ACTR10: variants seen among roughly 807,000 people sequenced by gnomAD.
ACTR10 encodes actin-related protein 10.
Under a neutral mutation model 56.2 loss-of-function variants are expected in ACTR10, and 43 were observed. The ratio of observed to expected loss-of-function variants is 0.77; its 90% CI spans 0.60 to 0.99. ACTR10 has a LOEUF of 0.99. Among genes scored for constraint, ACTR10 ranks in the 50% least tolerant of loss-of-function variants. ACTR10 has a pLI of 0.00. For synonymous variants in ACTR10, 170 were observed against 176.3 expected, an observed-to-expected ratio of 0.96 and a Z score of 0.28; for missense variants, 466 against 507.8, an observed-to-expected ratio of 0.92 and a Z score of 0.79.
At position 58,234,463 on chromosome 14, in the gene ACTR10, C is replaced by T. The variant is rs1487125944; in HGVS notation, c.1166C>T (p.Ser389Phe). 1 of 1,613,364 alleles carries T rather than the reference C, an allele frequency of 6.2e-7. No individual in the cohort carries two copies. The highest frequency in any genetic ancestry group is 2.2e-5 in the East Asian group (1 of 44,824). The change falls in exon 13 of 13, where the codon TCT becomes TTT. Residue 389 changes from serine (S) to phenylalanine (F), a missense_variant. Coordinates refer to ENST00000254286, the MANE Select transcript of ACTR10 (RefSeq NM_018477.3). ...ACGGGCCGTATACCTGATTGGTGTT[C>T]TCTCAATAACCCACCTTTGGAAATG... ...NQTGRIPDWC[S>F]LNNPPLEMMF...
chr14:58,226,686 C>A (rs1049833917), intron 10 of ACTR10, among the ~76,000 whole-genome samples: 17 of 152,038 alleles, frequency 1.1e-4, no homozygotes, highest in African/African-American at 4.1e-4. Context: ...CCACAACCCC[C>A]ACCTCCCGGG....
intron 10 of ACTR10, among the ~76,000 whole-genome samples, chr14:58,229,643 A>C (rs1044945384): frequency 6.7e-6 from 1 of 149,122 alleles, no homozygotes; most frequent in Non-Finnish European, 1.5e-5. Flanking sequence ...ACGCCACTGC[A>C]CTCCAGCCGG....
intron 10 of ACTR10, among the ~76,000 whole-genome samples, chr14:58,229,427 C>T (rs1234219305): frequency 6.6e-6 from 1 of 152,120 alleles, no homozygotes; most frequent in African/African-American, 2.4e-5. Flanking sequence ...GCCTGTAATC[C>T]TAGCACTTTG....
In ACTR10 at chr14:58,233,116, G is replaced by A. The variant is rs186891651; in HGVS notation, c.1072+849G>A. Reference sequence around the variant, plus strand: ...TCAAACTCCTGACCTCAGGTGATCCGCCCGCCTCTGCCTCCCAAAGTGCTG... The same window carrying A: ...TCAAACTCCTGACCTCAGGTGATCCACCCGCCTCTGCCTCCCAAAGTGCTG... On this transcript the variant is annotated intron_variant, in intron 12 of 12. Coordinates refer to ENST00000254286, the MANE Select transcript of ACTR10 (RefSeq NM_018477.3). 2.6e-5 allele frequency among the ~76,000 whole-genome samples: 4 copies of A among 151,210 alleles called. No homozygotes were observed. The East Asian group carries it at 7.9e-4, about 30-fold the overall frequency.
chr14:58,212,193 G>T (rs2140048919), intron 5 of ACTR10, among the ~76,000 whole-genome samples: 1 of 152,230 alleles, frequency 6.6e-6, no homozygotes, highest in South Asian at 2.1e-4. Context: ...TGTGTTAGTT[G>T]AGTGAGGTAA....
At chr14:58,214,403 CT>C (rs918510927) in intron 6 of ACTR10, among the ~76,000 whole-genome samples, 212 of 143,996 alleles carry the variant, frequency 1.5e-3, no homozygotes, top group Middle Eastern at 3.6e-3. Flanking sequence ...ACATTTTTTT[CT>C]TTTTTTTTTT....
Position 58,232,198 on chromosome 14 carries a change from G to A in ACTR10, c.1003G>A (p.Ala335Thr), listed in dbSNP as rs996088029. 3 of 1,613,630 alleles carry A rather than the reference G, an allele frequency of 1.9e-6. No homozygotes were observed. Among genetic ancestry groups the A allele is most frequent in the East Asian group, 2.2e-5 (1 of 44,866 alleles). Residue 335 changes from alanine (A) to threonine (T), a missense_variant, in exon 12 of 13, where the codon GCA (alanine) becomes ACA (threonine). By Grantham distance (58) the Ala-to-Thr change is moderately conservative. Transcript: ENST00000254286. ...GGTAGAAAAACCAAAATATAAAAAA[G>A]CACTTGGCACTAAGACATTTCGAAT... is the stretch of plus-strand genomic sequence containing the variant. ...YLVEKPKYKK[A>T]LGTKTFRIHT...
intron 4 of ACTR10, 36 bp from the exon 5 acceptor site, chr14:58,211,256 T>G (rs1824703926): frequency 1.0e-5 from 15 of 1,431,944 alleles, no homozygotes; most frequent in Non-Finnish European, 1.4e-5. Context: ...ATGACACTCA[T>G]TCCGGTTTTG....
intron 12 of ACTR10, 76 bp downstream of exon 12, chr14:58,232,343 GAATA>G: frequency 1.1e-6 from 1 of 897,942 alleles, no homozygotes; most frequent in Non-Finnish European, 1.5e-6. Context: ...GGATATATTA[GAATA>G]AATAATTCAG....
intron 4 of ACTR10, chr14:58,210,965 G>A (rs981159680): frequency 9.7e-6 from 2 of 205,826 alleles, no homozygotes; most frequent in Non-Finnish European, 2.0e-5. Flanking sequence ...GTGAGCCTCT[G>A]TGCCCAGCCT....
chr14:58,221,163 G>T (rs972580254), intron 8 of ACTR10, among the ~76,000 whole-genome samples: 5 of 151,520 alleles, frequency 3.3e-5, no homozygotes, highest in African/African-American at 9.7e-5. Context: ...CTCGCCTGTA[G>T]TCCCAGCTAC....
chr14:58,224,289 A>G (rs568273257), intron 10 of ACTR10, among the ~76,000 whole-genome samples: 6 of 152,334 alleles, frequency 3.9e-5, no homozygotes, highest in African/African-American at 1.4e-4. Flanking sequence ...GGCATGAGCC[A>G]CTGTGCCCGG....
chr14:58,232,001 A>T, intron 11 of ACTR10, 65 bp from the exon 12 acceptor site: 1 of 1,001,520 alleles, frequency 1.0e-6, no homozygotes, highest in Non-Finnish European at 1.5e-6. Context: ...ATATTTTCTT[A>T]AGTTCAATCA....
intron 10 of ACTR10, among the ~76,000 whole-genome samples, chr14:58,229,627 G>A (rs1470758027): frequency 2.0e-5 from 3 of 148,270 alleles, no homozygotes; most frequent in Middle Eastern, 3.6e-3. Flanking sequence ...GCAGTGAGCC[G>A]AGATCACGCC....
chr14:58,208,430 GA>G (rs933137770), intron 3 of ACTR10, among the ~76,000 whole-genome samples: 1 of 151,404 alleles, frequency 6.6e-6, no homozygotes, highest in South Asian at 2.1e-4. Context: ...CCATAAGAAT[GA>G]AAAAAAATAC....
intron 7 of ACTR10, among the ~76,000 whole-genome samples, chr14:58,218,755 T>G (rs1020062586): frequency 6.6e-6 from 1 of 152,186 alleles, no homozygotes; most frequent in Non-Finnish European, 1.5e-5. Flanking sequence ...CTATCTTCCC[T>G]GATATCAATA....
chr14:58,226,994 G>A (rs558401247), intron 10 of ACTR10, among the ~76,000 whole-genome samples: 2 of 152,086 alleles, frequency 1.3e-5, no homozygotes, highest in Non-Finnish European at 2.9e-5. Flanking sequence ...CAAAAAAAGG[G>A]TTATTTAAAG....
chr14:58,207,014 T>A (rs2140043870), intron 2 of ACTR10: 1 of 144,812 alleles, frequency 6.9e-6, no homozygotes, highest in African/African-American at 2.5e-5. Flanking sequence ...TTTTATTCAA[T>A]GCTGAATTTT....
intron 12 of ACTR10, among the ~76,000 whole-genome samples, chr14:58,233,885 T>C (rs1415556741): frequency 6.6e-6 from 1 of 152,202 alleles, no homozygotes; most frequent in Admixed American, 6.5e-5. Flanking sequence ...CTAGGACAAA[T>C]TGATTTAGTA....
Sources: allele counts gnomAD v4.1 joint callset (sites outside exome capture counted in the v4.1 genomes callset), GRCh38; gene constraint gnomAD v4.1.1; transcripts MANE v1.5; gene names NCBI Gene and HGNC (gene_info 2026-07-23, HGNC 2026-07-21).